The following CC2D2B variants were observed in gnomAD, a reference collection of about 807,000 sequenced individuals.
CC2D2B encodes protein CC2D2B.
In CC2D2B, 128 loss-of-function variants were observed where a neutral mutation model predicts 161.2. That is an observed-to-expected ratio of 0.79 (90% CI 0.69 to 0.92). The LOEUF is 0.92. Ranked by LOEUF, CC2D2B falls within the 40% of genes least tolerant of loss-of-function variation. CC2D2B has a pLI of 0.00. For synonymous variants in CC2D2B, 391 were observed against 449.8 expected, an observed-to-expected ratio of 0.87 and a Z score of 1.65; for missense variants, 1,173 against 1,375.1, an observed-to-expected ratio of 0.85 and a Z score of 2.32.
At chr10:96,007,829 GGGTGGT>G (rs971307108) in intron 25 of CC2D2B, among the ~76,000 whole-genome samples, 1 of 152,054 alleles carries the variant, frequency 6.6e-6, no homozygotes, top group African/African-American at 2.4e-5. Context: ...CCAATGGGAG[GGGTGGT>G]GGTGGTAGTG....
At chr10:95,970,993 A>G (rs2077107739) in intron 15 of CC2D2B, among the ~76,000 whole-genome samples, 1 of 152,154 alleles carries the variant, frequency 6.6e-6, no homozygotes, top group African/African-American at 2.4e-5. Flanking sequence ...CTTATCTTTC[A>G]AGGAGCAATT....
At position 95,998,266 on chromosome 10, in the gene CC2D2B, C is replaced by T. The variant is rs188938206; in HGVS notation, c.2849+2014C>T. Among the ~76,000 whole-genome samples the T allele has an allele frequency of 1.3e-3, 200 of 152,222 alleles. 1 individual carries two copies. Among genetic ancestry groups the T allele is most frequent in the Middle Eastern group, 6.8e-3 (2 of 294 alleles). ...AATCAATGAGCCAACATTGATACAT[C>T]ACTATCAACCATAGTCCATATTTAA... On this transcript the variant is annotated intron_variant, in intron 24 of 34. Transcript: ENST00000646931.
At chr10:95,940,146 A>G (rs1232413935) in intron 9 of CC2D2B, among the ~76,000 whole-genome samples, 1 of 152,126 alleles carries the variant, frequency 6.6e-6, no homozygotes, top group African/African-American at 2.4e-5. Context: ...AGTAGGAAGA[A>G]GAAAGAGAAG....
At chr10:96,029,442 TTA>T (rs1215780766) in intron 34 of CC2D2B, among the ~76,000 whole-genome samples, 10 of 151,648 alleles carry the variant, frequency 6.6e-5, no homozygotes, top group South Asian at 6.2e-4. Flanking sequence ...TTGGAACCAG[TTA>T]TATGTTTTAT....
At chr10:95,935,270 C>G (rs1458675322) in intron 6 of CC2D2B, among the ~76,000 whole-genome samples, 1 of 152,172 alleles carries the variant, frequency 6.6e-6, no homozygotes, top group Non-Finnish European at 1.5e-5. Context: ...TCCTTTTACT[C>G]AAATGCTTCA....
At chr10:95,975,443 G>T (rs541129897) in intron 17 of CC2D2B, among the ~76,000 whole-genome samples, 1 of 152,156 alleles carries the variant, frequency 6.6e-6, no homozygotes, top group South Asian at 2.1e-4. Flanking sequence ...CAAGGAGTTT[G>T]ACAATAAAAA....
chr10:95,919,317 T>C (rs2098522181), intron 2 of CC2D2B: 1 of 152,208 alleles, frequency 6.6e-6, no homozygotes. Flanking sequence ...TCCAGTTATT[T>C]GGTCATGCAA....
At chr10:95,911,421 G>A (rs1424149491) in intron 2 of CC2D2B, 62 bp downstream of exon 2, 1 of 218,606 alleles carries the variant, frequency 4.6e-6, no homozygotes, top group Non-Finnish European at 8.8e-6. Context: ...TGTAAATGGG[G>A]GATAATCCTG....
chr10:95,922,440 A>G (rs542682221), intron 3 of CC2D2B, among the ~76,000 whole-genome samples: 3 of 152,356 alleles, frequency 2.0e-5, no homozygotes, highest in Admixed American at 2.0e-4. Flanking sequence ...GCAAATATTT[A>G]TTGAGCATGT....
At position 95,955,384 on chromosome 10, in the gene CC2D2B, T is replaced by G. The variant is rs1159688278; in HGVS notation, c.1012-10T>G. On this transcript the variant is annotated splice_polypyrimidine_tract_variant and intron_variant, in intron 10 of 34. Transcript: ENST00000646931. The stretch of plus-strand genomic sequence containing the variant: ...AAATATACCGAAGAGCTCTTTTTTT[T>G]TTGTTATAGCTGAAAGCACTGACAG... 1.3e-5 allele frequency: 5 copies of G among 398,080 alleles called. No individual in the cohort carries two copies. Among genetic ancestry groups the G allele is most frequent in the South Asian group, 1.3e-4 (1 of 7,840 alleles). 24.7% of individuals were successfully genotyped at this position (398,080 alleles called of 1,614,324 possible).
intron 22 of CC2D2B, among the ~76,000 whole-genome samples, chr10:95,993,815 G>T (rs1456599686): frequency 7.0e-6 from 1 of 142,478 alleles, no homozygotes; most frequent in Non-Finnish European, 1.5e-5. Context: ...AATATATATA[G>T]AGTGTATATA....
At chr10:95,999,950 G>C in intron 24 of CC2D2B, 1 of 584,412 alleles carries the variant, frequency 1.7e-6, no homozygotes, top group East Asian at 4.3e-5. Context: ...AGCTATCTCA[G>C]CTCTTAGAGC....
intron 7 of CC2D2B, 69 bp downstream of exon 7, chr10:95,938,258 T>A (rs1253180313): frequency 1.0e-6 from 1 of 976,576 alleles, no homozygotes; most frequent in Non-Finnish European, 1.5e-6. Context: ...AGCTTTATTG[T>A]ATGCTGGATA....
intron 24 of CC2D2B, 117 bp downstream of exon 24, chr10:95,996,369 T>C (rs2078230472): frequency 3.6e-6 from 2 of 554,126 alleles, no homozygotes; most frequent in Admixed American, 3.1e-5. Flanking sequence ...CTTTTAAATT[T>C]TGAAATATTT....
Position 95,924,529 on chromosome 10 carries a change from C to A in CC2D2B, c.174+139C>A, listed in dbSNP as rs10882689. On this transcript the variant is annotated intron_variant, in intron 4 of 34. Coordinates refer to ENST00000646931, the MANE Select transcript of CC2D2B (RefSeq NM_001349008.3). Reference sequence around the variant, plus strand: ...ATTCCTAAAGTCTTCCTCTCTCTCTCTATATATATATTTTCCTTTTGTCTC... The same window carrying A: ...ATTCCTAAAGTCTTCCTCTCTCTCTATATATATATATTTTCCTTTTGTCTC... 255,913 of 557,280 alleles carry A rather than the reference C, an allele frequency of 0.46. 62,928 individuals carry two copies. The highest frequency in any genetic ancestry group is 0.79 in the African/African-American group (41,509 of 52,424). The allele number at this position is 557,280 out of a possible 1,614,324, so 34.5% of individuals were successfully genotyped here. A position where few individuals can be genotyped will look rare whatever the true frequency, so the allele number is the denominator to read the frequency against.
At chr10:96,004,782 T>G (rs2078673403) in intron 25 of CC2D2B, among the ~76,000 whole-genome samples, 1 of 152,172 alleles carries the variant, frequency 6.6e-6, no homozygotes, top group Non-Finnish European at 1.5e-5. Context: ...ACTAAAAATA[T>G]AAAGATGCAT....
chr10:96,025,221 A>ATG (rs2079709850), intron 33 of CC2D2B, among the ~76,000 whole-genome samples: 1 of 120,220 alleles, frequency 8.3e-6, no homozygotes, highest in African/African-American at 3.2e-5. Flanking sequence ...ATATATATAT[A>ATG]GCTGGGCATG....
At chr10:95,957,553 ATTTTTT>A (rs869263327) in intron 11 of CC2D2B, among the ~76,000 whole-genome samples, 4 of 83,736 alleles carry the variant, frequency 4.8e-5, no homozygotes, top group Non-Finnish European at 6.7e-5. Context: ...GCTGACAATG[ATTTTTT>A]TTTTTTTTTT....
Position 95,924,358 on chromosome 10 carries a change from G to C in CC2D2B, c.142G>C (p.Gly48Arg). ...ENQNVAKTLR[G>R]KVREKLKISK... is the part of the protein sequence containing the mutation. ...TCAAAATGTAGCAAAGACATTGAGA[G>C]GCAAAGTGAGAGAAAAGCTAAAAAT... Residue 48 changes from glycine to arginine, a missense_variant, in exon 4 of 35, where the codon GGC becomes CGC. Coordinates refer to ENST00000646931, the MANE Select transcript of CC2D2B (RefSeq NM_001349008.3). 1.3e-6 allele frequency: 2 copies of C among 1,523,228 alleles called. No homozygotes were observed. Among genetic ancestry groups the C allele is most frequent in the Non-Finnish European group, 1.8e-6 (2 of 1,133,894 alleles). 94.4% of individuals were successfully genotyped at this position (1,523,228 alleles called of 1,614,324 possible). A position where few individuals can be genotyped will look rare whatever the true frequency, so the allele number is the denominator to read the frequency against.
Sources: allele counts gnomAD v4.1 joint callset (sites outside exome capture counted in the v4.1 genomes callset), GRCh38; gene constraint gnomAD v4.1.1; transcripts MANE v1.5; gene names NCBI Gene and HGNC (gene_info 2026-07-23, HGNC 2026-07-21).